PTP4A1: variants seen among roughly 807,000 people sequenced by gnomAD.
The protein encoded by PTP4A1 is protein tyrosine phosphatase type IVA 1.
In PTP4A1, 9 loss-of-function variants were observed where a neutral mutation model predicts 20.5. That is an observed-to-expected ratio of 0.44 (90% CI 0.26 to 0.77). PTP4A1 has a LOEUF of 0.77. PTP4A1 is among the 30% of genes least tolerant of loss of function. The pLI, the probability that PTP4A1 is intolerant of heterozygous loss-of-function variation, is 0.19. For synonymous variants in PTP4A1, 78 were observed against 67.4 expected (o/e 1.16, Z -0.77); for missense variants, 137 against 218.8 (o/e 0.63, Z 2.36).
intron 3 of PTP4A1, among the ~76,000 whole-genome samples, chr6:63,565,126 C>A (rs564766626): frequency 3.9e-5 from 6 of 152,238 alleles, no homozygotes; most frequent in Admixed American, 2.0e-4. Context: ...AATCCTCCCA[C>A]CTCAACCTCC....
intron 2 of PTP4A1, among the ~76,000 whole-genome samples, chr6:63,545,469 G>A (rs146285860): frequency 0.011 from 1,736 of 152,224 alleles, 15 homozygotes; most frequent in Non-Finnish European, 0.017. Context: ...AAATTAGCTG[G>A]GCGTGGTGGC....
rs201155455 is a variant in PTP4A1 at position 63,564,072 on chromosome 6, C to T, written c.-445-12364C>T. Among the ~76,000 whole-genome samples, 7 of 152,034 alleles carry T rather than the reference C, an allele frequency of 4.6e-5. No homozygotes were observed. The East Asian group carries it at 5.8e-4, about 13-fold the overall frequency. On this transcript the variant is annotated intron_variant, in intron 3 of 3. Coordinates refer to the PTP4A1 transcript ENST00000639568. Reference sequence around the variant, plus strand: ...GGCGGATCATTTGAGGTCAGGAGTTCGAGACCAGCCTGGCCAACATGCAGA... The same window carrying T: ...GGCGGATCATTTGAGGTCAGGAGTTTGAGACCAGCCTGGCCAACATGCAGA...
intron 3 of PTP4A1, among the ~76,000 whole-genome samples, chr6:63,559,999 C>T (rs768335176): frequency 3.0e-4 from 45 of 152,104 alleles, no homozygotes; most frequent in Non-Finnish European, 4.3e-4. Context: ...TGGAAGATCA[C>T]GGAATGGCCT....
chr6:63,538,941 G>A (rs1775835376), intron 2 of PTP4A1, among the ~76,000 whole-genome samples: 1 of 152,164 alleles, frequency 6.6e-6, no homozygotes. Context: ...CACCCAGGCT[G>A]CAGTGCAGTG....
At chr6:63,517,885 G>C (rs1774787787), upstream of PTP4A1, among the ~76,000 whole-genome samples, 2 of 152,124 alleles carry the variant, frequency 1.3e-5, no homozygotes. Flanking sequence ...CAAGCTTGGT[G>C]GCTCACGCCT....
chr6:63,572,804 G>A, intron 1 of PTP4A1, 85 bp downstream of exon 1: 1 of 397,246 alleles, frequency 2.5e-6, no homozygotes, highest in Non-Finnish European at 4.4e-6. Flanking sequence ...TTCGGAGCCC[G>A]GCGTCTCCTC....
At chr6:63,529,263 G>T (rs1775348314) in intron 2 of PTP4A1, among the ~76,000 whole-genome samples, 2 of 150,754 alleles carry the variant, frequency 1.3e-5, no homozygotes, top group Non-Finnish European at 2.9e-5. Context: ...AGGTGTCTAG[G>T]TTCTCTGGAG....
At chr6:63,522,344 AC>A (rs1417476754) in intron 1 of PTP4A1, among the ~76,000 whole-genome samples, 1 of 152,222 alleles carries the variant, frequency 6.6e-6, no homozygotes, top group Admixed American at 6.5e-5. Flanking sequence ...AAATGAGATC[AC>A]CTTGTATCTG....
Position 63,580,391 on chromosome 6 carries a change from G to A in PTP4A1, c.*217G>A. ...ACTTGGCAAAAGATTCTTGCTGTCAGCATATAAAATGTGCTTGTCATTTGT... is the reference window on the plus strand; with the variant it reads ...ACTTGGCAAAAGATTCTTGCTGTCAACATATAAAATGTGCTTGTCATTTGT... On this transcript the variant is annotated 3_prime_UTR_variant, in exon 6 of 6. Coordinates refer to ENST00000626021, the MANE Select transcript of PTP4A1 (RefSeq NM_003463.5). 1 of 480,952 alleles carries A rather than the reference G, an allele frequency of 2.1e-6. No individual in the cohort carries two copies. Among genetic ancestry groups the A allele is most frequent in the Non-Finnish European group, 3.8e-6 (1 of 266,324 alleles). The allele number at this position is 480,952 out of a possible 1,614,324, so 29.8% of individuals were successfully genotyped here.
rs752370818 is a variant in PTP4A1, at chr6:63,572,507, G to A, written c.-658G>A. 5.2e-4 allele frequency: 201 copies of A among 390,092 alleles called. No homozygotes were observed. The highest frequency in any genetic ancestry group is 7.8e-4 in the Non-Finnish European group (173 of 220,664). The allele number at this position is 390,092 out of a possible 1,614,324, so 24.2% of individuals were successfully genotyped here. On this transcript the variant is annotated 5_prime_UTR_variant, in exon 1 of 6. Transcript: ENST00000626021. The stretch of plus-strand genomic sequence containing the variant: ...CTCGGCGCGTGTATTGGCTCCTTCG[G>A]CTGCGGGCCGGCTCGGCTACGCGCT...
chr6:63,579,171 C>T (rs1382875197), intron 4 of PTP4A1, 86 bp from the exon 5 acceptor site: 2 of 1,437,444 alleles, frequency 1.4e-6, no homozygotes, highest in Non-Finnish European at 1.9e-6. Context: ...GTAGATAATA[C>T]TTCTGAGTTG....
chr6:63,533,286 G>T (rs1775554585), intron 2 of PTP4A1, among the ~76,000 whole-genome samples: 1 of 152,160 alleles, frequency 6.6e-6, no homozygotes, highest in South Asian at 2.1e-4. Context: ...GGAGGATGAG[G>T]CATGAGAATC....
At chr6:63,544,195 A>G (rs559859621) in intron 2 of PTP4A1, among the ~76,000 whole-genome samples, 23 of 152,308 alleles carry the variant, frequency 1.5e-4, no homozygotes, top group African/African-American at 5.3e-4. Flanking sequence ...AGTTTTCTAA[A>G]CATTCTTTGA....
chr6:63,572,738 G>C lies in PTP4A1; in HGVS notation c.-446+19G>C. The C allele has an allele frequency of 5.0e-6, 2 of 398,336 alleles. No homozygotes were observed. Among genetic ancestry groups the C allele is most frequent in the South Asian group, 1.3e-4 (1 of 7,954 alleles). The allele number at this position is 398,336 out of a possible 1,614,324, so 24.7% of individuals were successfully genotyped here. The stretch of plus-strand genomic sequence containing the variant: ...TATTCCTGTGAGTAGCCGTCGCATC[G>C]TCGCCTCTCGGGCTGGGAATCCACG... On this transcript the variant is annotated intron_variant, in intron 1 of 5. Coordinates refer to ENST00000626021, the MANE Select transcript of PTP4A1 (RefSeq NM_003463.5).
upstream of PTP4A1, among the ~76,000 whole-genome samples, chr6:63,520,001 T>C (rs1302669701): frequency 6.6e-6 from 1 of 152,252 alleles, no homozygotes; most frequent in Non-Finnish European, 1.5e-5. Context: ...ACTGATTTAA[T>C]GTATCATCTA....
At chr6:63,550,482 C>T (rs921183076) in exon 3 of PTP4A1, 1 of 152,156 alleles carries the variant, frequency 6.6e-6, no homozygotes, top group African/African-American at 2.4e-5. Flanking sequence ...AAGAACCCTG[C>T]TACAGAGAGG....
chr6:63,529,904 T>C (rs941449162), intron 2 of PTP4A1, among the ~76,000 whole-genome samples: 1 of 152,232 alleles, frequency 6.6e-6, no homozygotes, highest in African/African-American at 2.4e-5. Context: ...AGTAAGTTAG[T>C]ATTTTCACTA....
At chr6:63,534,230 G>A (rs1447602977) in intron 2 of PTP4A1, among the ~76,000 whole-genome samples, 1 of 152,064 alleles carries the variant, frequency 6.6e-6, no homozygotes, top group Non-Finnish European at 1.5e-5. Context: ...TAAAAAAAAA[G>A]TTTTACTTTG....
intron 2 of PTP4A1, among the ~76,000 whole-genome samples, chr6:63,528,891 C>A (rs1415814845): frequency 6.6e-6 from 1 of 152,018 alleles, no homozygotes; most frequent in African/African-American, 2.4e-5. Context: ...GAGTTCAAGA[C>A]CAGCCTGACT....
Sources: gnomAD v4.1 joint callset for allele counts (sites outside exome capture counted in the v4.1 genomes callset) on GRCh38, gnomAD v4.1.1 for gene constraint, MANE v1.5 for transcripts, NCBI Gene and HGNC (gene_info 2026-07-23, HGNC 2026-07-21) for gene names.